The following DPP10 variants were observed in gnomAD, a reference collection of about 807,000 sequenced individuals.
DPP10 encodes the protein dipeptidyl peptidase like 10, also known as inactive dipeptidyl peptidase 10.
DPP10 carries 33 observed loss-of-function variants against 120.9 expected under a neutral mutation model. That is an observed-to-expected ratio of 0.27 (90% CI 0.21 to 0.37). The LOEUF (loss-of-function observed/expected upper bound fraction) is 0.37. Among genes scored for constraint, DPP10 ranks in the 10% least tolerant of loss-of-function variants. The pLI, the probability that DPP10 is intolerant of heterozygous loss-of-function variation, is 1.00. For synonymous variants in DPP10, 337 were observed against 326.1 expected, an observed-to-expected ratio of 1.03 and a Z score of -0.36; for missense variants, 816 against 942.8, an observed-to-expected ratio of 0.87 and a Z score of 1.76.
intron 1 of DPP10, among the ~76,000 whole-genome samples, chr2:115,012,417 C>T (rs952911994): frequency 6.6e-6 from 1 of 152,166 alleles, no homozygotes; most frequent in South Asian, 2.1e-4. Flanking sequence ...ACCAAGGACC[C>T]TCACAGATTC....
chr2:115,767,640 A>G (rs1328984484), intron 12 of DPP10, among the ~76,000 whole-genome samples: 1 of 151,946 alleles, frequency 6.6e-6, no homozygotes, highest in Non-Finnish European at 1.5e-5. Context: ...TATTGATTTA[A>G]TGTGCCACCA....
chr2:115,261,484 A>G (rs549505054), intron 1 of DPP10, among the ~76,000 whole-genome samples: 3 of 152,300 alleles, frequency 2.0e-5, no homozygotes, highest in African/African-American at 7.2e-5. Context: ...ATTTTTGTCT[A>G]TGTTGGCTTT....
In DPP10 at chr2:114,494,461, G is replaced by T. The variant is rs141034100; in HGVS notation, c.60+51623G>T. 2.2e-3 allele frequency among the ~76,000 whole-genome samples: 337 copies of T among 152,290 alleles called. 4 individuals are homozygous for T. Among genetic ancestry groups the T allele is most frequent in the Admixed American group, 0.01 (160 of 15,276 alleles). ...AGAGATATTTCAGGCCAGGGAAGCA[G>T]CATGTGAAAAGGAAGAAGCAAGCAT... On this transcript the variant is annotated intron_variant, in intron 1 of 25. Coordinates refer to ENST00000410059, the MANE Select transcript of DPP10 (RefSeq NM_020868.6).
At chr2:115,234,269 A>G (rs1457885618) in intron 1 of DPP10, among the ~76,000 whole-genome samples, 3 of 152,152 alleles carry the variant, frequency 2.0e-5, no homozygotes, top group Non-Finnish European at 4.4e-5. Flanking sequence ...CACCTATTTT[A>G]TATACCCTGC....
intron 1 of DPP10, among the ~76,000 whole-genome samples, chr2:114,944,654 T>C (rs1395170944): frequency 1.3e-5 from 2 of 152,222 alleles, no homozygotes; most frequent in East Asian, 3.8e-4. Flanking sequence ...AGGAACCATA[T>C]AACGTAACAA....
At chr2:115,483,858 C>T (rs1164384100) in intron 3 of DPP10, among the ~76,000 whole-genome samples, 4 of 152,090 alleles carry the variant, frequency 2.6e-5, no homozygotes, top group Admixed American at 6.6e-5. Context: ...TCTATATCTT[C>T]TCAGCAGTGT....
chr2:115,525,871 A>G (rs1056041980), intron 4 of DPP10, 27 bp from the exon 5 acceptor site: 15 of 1,554,098 alleles, frequency 9.7e-6, no homozygotes, highest in Non-Finnish European at 1.3e-5. Context: ...GTTTTTAAAT[A>G]TAACTGGTTT....
At chr2:114,861,567 A>G (rs1339052021) in intron 1 of DPP10, among the ~76,000 whole-genome samples, 1 of 152,222 alleles carries the variant, frequency 6.6e-6, no homozygotes, top group East Asian at 1.9e-4. Context: ...AGTTTAAACA[A>G]GTTAAATTTT....
At chr2:115,085,232 T>C (rs1427788976) in intron 1 of DPP10, among the ~76,000 whole-genome samples, 1 of 152,226 alleles carries the variant, frequency 6.6e-6, no homozygotes, top group East Asian at 1.9e-4. Context: ...GAATAAAATA[T>C]ACCTTTACTT....
At chr2:115,284,744 C>A (rs2060296749) in intron 1 of DPP10, among the ~76,000 whole-genome samples, 1 of 151,802 alleles carries the variant, frequency 6.6e-6, no homozygotes, top group Admixed American at 6.6e-5. Context: ...GGATACCATG[C>A]AGAAGAGGTT....
At chr2:115,683,391 A>G (rs1349223415) in intron 5 of DPP10, among the ~76,000 whole-genome samples, 1 of 151,994 alleles carries the variant, frequency 6.6e-6, no homozygotes, top group Non-Finnish European at 1.5e-5. Flanking sequence ...GGGCAATGAA[A>G]CTATGCTGTG....
chr2:114,856,526 T>C (rs1033648613), intron 1 of DPP10, among the ~76,000 whole-genome samples: 4 of 152,142 alleles, frequency 2.6e-5, no homozygotes, highest in Non-Finnish European at 5.9e-5. Flanking sequence ...ATTATAAATA[T>C]CCATTTAAAA....
At chr2:115,061,290 T>C (rs996297145) in intron 1 of DPP10, among the ~76,000 whole-genome samples, 1 of 152,214 alleles carries the variant, frequency 6.6e-6, no homozygotes, top group African/African-American at 2.4e-5. Flanking sequence ...TATTCGTTAT[T>C]AAAAATTCAT....
intron 1 of DPP10, among the ~76,000 whole-genome samples, chr2:115,082,285 A>T (rs1168896829): frequency 6.6e-6 from 1 of 151,918 alleles, no homozygotes; most frequent in African/African-American, 2.4e-5. Context: ...GAGGTTTCTC[A>T]CTCTTTAAAA....
At chr2:115,659,995 A>G (rs1320977430) in intron 5 of DPP10, among the ~76,000 whole-genome samples, 1 of 152,220 alleles carries the variant, frequency 6.6e-6, no homozygotes, top group Non-Finnish European at 1.5e-5. Flanking sequence ...AAATAAATCC[A>G]TGGCATAGGG....
intron 3 of DPP10, among the ~76,000 whole-genome samples, chr2:115,351,912 T>C (rs1472619804): frequency 6.6e-6 from 1 of 152,088 alleles, no homozygotes; most frequent in African/African-American, 2.4e-5. Flanking sequence ...TAAAAAATCA[T>C]ACTGTGGCAA....
intron 8 of DPP10, among the ~76,000 whole-genome samples, chr2:115,733,386 G>A (rs1012941551): frequency 1.3e-5 from 2 of 152,174 alleles, no homozygotes; most frequent in Non-Finnish European, 2.9e-5. Context: ...GTAGTGCTGA[G>A]TCTCCAGAGG....
chr2:114,979,591 C>T (rs1699961315), intron 1 of DPP10, among the ~76,000 whole-genome samples: 1 of 151,958 alleles, frequency 6.6e-6, no homozygotes, highest in African/African-American at 2.4e-5. Flanking sequence ...ATATGTTGGA[C>T]ATATAATCTT....
intron 5 of DPP10, among the ~76,000 whole-genome samples, chr2:115,644,686 G>A (rs1253106644): frequency 6.6e-6 from 1 of 151,936 alleles, no homozygotes; most frequent in African/African-American, 2.4e-5. Context: ...GGGAGGCTGA[G>A]GCAGGAGGAT....
Sources: gnomAD v4.1 joint callset for allele counts (sites outside exome capture counted in the v4.1 genomes callset) on GRCh38, gnomAD v4.1.1 for gene constraint, MANE v1.5 for transcripts, NCBI Gene and HGNC (gene_info 2026-07-23, HGNC 2026-07-21) for gene names.